Variants in RAB40C observed in about 807,000 individuals in gnomAD.
RAB40C encodes the protein RAB40C, member RAS oncogene family, also known as ras-related protein Rab-40C.
RAB40C carries 8 observed loss-of-function variants against 28.1 expected under a neutral mutation model. That is an observed-to-expected ratio of 0.28 (90% CI 0.17 to 0.51). The LOEUF is 0.51. Among genes scored for constraint, RAB40C ranks in the 20% least tolerant of loss-of-function variants. The pLI is 0.97. For missense variants in RAB40C, 288 were observed against 405.9 expected (o/e 0.71, Z 2.50); for synonymous variants, 201 against 171.7 (o/e 1.17, Z -1.34).
intron 1 of RAB40C, among the ~76,000 whole-genome samples, chr16:599,315 C>T (rs2151062658): frequency 6.6e-6 from 1 of 152,366 alleles, no homozygotes; most frequent in East Asian, 1.9e-4. Context: ...AGGCTGATGC[C>T]TGCCCGTGTC....
Position 608,741 on chromosome 16 carries a change from C to T in RAB40C, c.143-8467C>T, listed in dbSNP as rs1003681866. Among the ~76,000 whole-genome samples, 3 of 152,122 alleles carry T rather than the reference C, an allele frequency of 2.0e-5. No homozygotes were observed. In the South Asian group the frequency reaches 6.2e-4, roughly 32 times the overall value. ...AAAAAAAATTAGCTGGGCATGGTGG[C>T]GGGCACCTGTAGTCCCCACTCCTTG... On this transcript the variant is annotated intron_variant, in intron 1 of 5. Coordinates refer to ENST00000248139, the MANE Select transcript of RAB40C (RefSeq NM_021168.5).
intron 3 of RAB40C, among the ~76,000 whole-genome samples, chr16:620,687 GC>G (rs1251555635): frequency 3.2e-4 from 20 of 62,962 alleles, no homozygotes; most frequent in African/African-American, 1.1e-3. Context: ...GGGCATCCCA[GC>G]CCCCCCCGAT....
In RAB40C at chr16:627,515, G is replaced by T; in HGVS notation, c.739G>T (p.Ala247Ser). The T allele has an allele frequency of 6.2e-7, 1 of 1,613,760 alleles. No homozygotes were observed. The change falls in exon 6 of 6, where the codon GCC (alanine) becomes TCC (serine). Residue 247 changes from alanine to serine, a missense_variant. By Grantham distance (99) the Ala-to-Ser change is moderately conservative (BLOSUM62 1). This residue lies in a region of RAB40C where 57 missense variants were observed against 55.3 expected (regional missense o/e 1.03). Transcript: ENST00000248139. ...HGRSYSLASG[A>S]GGGGSKGNSL... ...CCGTTCCTACTCCCTGGCCAGCGGGGCCGGGGGCGGCGGCAGCAAGGGCAA... is the reference window on the plus strand; with the variant it reads ...CCGTTCCTACTCCCTGGCCAGCGGGTCCGGGGGCGGCGGCAGCAAGGGCAA...
chr16:592,437 AAGGGCC>A (rs1272864964), intron 1 of RAB40C, among the ~76,000 whole-genome samples: 1 of 152,102 alleles, frequency 6.6e-6, no homozygotes, highest in Non-Finnish European at 1.5e-5. Context: ...AGGGGTTGGA[AAGGGCC>A]AGGGAGGAAG....
intron 2 of RAB40C, 77 bp from the exon 3 acceptor site, chr16:618,123 G>T (rs1191910275): frequency 1.4e-6 from 2 of 1,414,080 alleles, no homozygotes; most frequent in East Asian, 2.3e-5. Flanking sequence ...CATCCAGGTG[G>T]GTCGGCAGAG....
At position 590,330 on chromosome 16, in the gene RAB40C, C is replaced by T. The variant is rs148812297; in HGVS notation, c.39C>T (p.Tyr13=). 1.9e-4 allele frequency: 310 copies of T among 1,592,526 alleles called. 2 individuals carry two copies. The highest frequency in any genetic ancestry group is 1.8e-3 in the Middle Eastern group (9 of 5,068). The part of the protein sequence containing the change: ...SQGSPVKSYD[Y]LLKFLLVGDS... The stretch of plus-strand genomic sequence containing the variant: ...GCAGTCCGGTGAAGAGCTACGACTA[C>T]CTGCTCAAGTTCCTGCTGGTGGGCG... The change falls in exon 1 of 6, where the codon TAC becomes TAT. Residue 13 remains tyrosine (Y), a synonymous_variant. Coordinates refer to ENST00000248139, the MANE Select transcript of RAB40C (RefSeq NM_021168.5).
chr16:604,503 G>A (rs573236935), intron 1 of RAB40C, among the ~76,000 whole-genome samples: 1 of 151,140 alleles, frequency 6.6e-6, no homozygotes, highest in South Asian at 2.1e-4. Context: ...TTCTGAGGGT[G>A]TTTCTCTAGA....
rs1432927891 is a variant in RAB40C at position 590,147 on chromosome 16, C to T, written c.-145C>T. 3 of 384,514 alleles carry T rather than the reference C, an allele frequency of 7.8e-6. No individual in the cohort carries two copies. Among genetic ancestry groups the T allele is most frequent in the Middle Eastern group, 1.3e-3 (1 of 786 alleles). The allele number at this position is 384,514 out of a possible 1,614,324, so 23.8% of individuals were successfully genotyped here. A position where few individuals can be genotyped will look rare whatever the true frequency, so the allele number is the denominator to read the frequency against. On this transcript the variant is annotated 5_prime_UTR_variant, in exon 1 of 6. Coordinates refer to ENST00000248139, the MANE Select transcript of RAB40C (RefSeq NM_021168.5). Reference sequence around the variant, plus strand: ...GCGCCCGGGCGCGGGCGGGGCGGGGCCGGCGCTGGGCTTCGGGCGCGCCCA... The same window carrying T: ...GCGCCCGGGCGCGGGCGGGGCGGGGTCGGCGCTGGGCTTCGGGCGCGCCCA...
chr16:591,431 T>C (rs1043115784), intron 1 of RAB40C, among the ~76,000 whole-genome samples: 1 of 152,168 alleles, frequency 6.6e-6, no homozygotes, highest in African/African-American at 2.4e-5. Flanking sequence ...GGGCTGCTCT[T>C]GGGACCCTGT....
rs866298551 is a variant in RAB40C at position 613,929 on chromosome 16, G to T, written c.143-3279G>T. Among the ~76,000 whole-genome samples the T allele has an allele frequency of 1.5e-4, 23 of 152,282 alleles. No homozygotes were observed. In the Middle Eastern group the frequency reaches 0.01, roughly 68 times the overall value. ...TGAAGGGCACCACTGGGGCAGTGAC[G>T]CAGCTTCACACGCAGCTCGGGAAGC... On this transcript the variant is annotated intron_variant, in intron 1 of 5. Transcript: ENST00000248139.
Position 626,008 on chromosome 16 carries a change from C to T in RAB40C, c.452C>T (p.Thr151Ile), listed in dbSNP as rs1193159585. The T allele has an allele frequency of 6.2e-7, 1 of 1,613,368 alleles. No homozygotes were observed. The highest frequency in any genetic ancestry group is 8.5e-7 in the Non-Finnish European group (1 of 1,179,986). ...GCGTACGCAGAGAAGAACTGCATGA[C>T]CTTCTTTGAGGTCAGCCCCCTGTGC... ...ARAYAEKNCMTFFEVSPLCNF... is the reference protein window; with the variant it reads ...ARAYAEKNCMIFFEVSPLCNF... Residue 151 changes from threonine (T) to isoleucine (I), a missense_variant, in exon 5 of 6, where the codon ACC becomes ATC. Thr to Ile is a moderately conservative substitution (Grantham distance 89). Around this residue, in one of 3 missense-constraint regions of RAB40C, gnomAD observed 153 missense variants for 262.4 expected, o/e 0.58. Transcript: ENST00000248139.
intron 1 of RAB40C, among the ~76,000 whole-genome samples, chr16:595,486 TCTC>T (rs1271041657): frequency 2.0e-5 from 3 of 151,972 alleles, no homozygotes; most frequent in South Asian, 2.1e-4. Context: ...CACACTAAGT[TCTC>T]CTGAGACCCA....
intron 1 of RAB40C, among the ~76,000 whole-genome samples, chr16:613,532 T>A (rs978219775): frequency 6.6e-6 from 1 of 152,256 alleles, no homozygotes; most frequent in Non-Finnish European, 1.5e-5. Flanking sequence ...TGCCCTTTTC[T>A]GCGAGGCTGG....
Position 628,990 on chromosome 16 carries a change from TGAAC to T in RAB40C, c.*1369_*1372del, listed in dbSNP as rs923073190. ...TGGGAGATGAGGGCCGTGGCCTGCA[TGAAC>T]TACCAGATGAGTAAGGGAACCCCAG... On this transcript the variant is annotated 3_prime_UTR_variant, in exon 6 of 6. Transcript: ENST00000248139. 5 of 154,798 alleles carry T rather than the reference TGAAC, an allele frequency of 3.2e-5. No individual in the cohort carries two copies. The highest frequency in any genetic ancestry group is 9.6e-5 in the African/African-American group (4 of 41,496). The allele number at this position is 154,798 out of a possible 1,614,324, so 9.6% of individuals were successfully genotyped here.
At chr16:620,832 C>A (rs2036700650) in intron 3 of RAB40C, among the ~76,000 whole-genome samples, 1 of 150,118 alleles carries the variant, frequency 6.7e-6, no homozygotes. Flanking sequence ...CCCAGCCACC[C>A]CCCCCGACGG....
rs534313199 is a variant in RAB40C, at chr16:613,762, C to G, written c.143-3446C>G. Among the ~76,000 whole-genome samples, 15 of 152,108 alleles carry G rather than the reference C, an allele frequency of 9.9e-5. 1 individual carries two copies. In the Middle Eastern group the frequency reaches 0.02, roughly 207 times the overall value. ...TCCTTATGTGGGTCTTAGTGGGAGT[C>G]GTGGGCAACACCCAGGTCTAGACCC... On this transcript the variant is annotated intron_variant, in intron 1 of 5. Transcript: ENST00000248139.
At chr16:616,312 C>G (rs2036582971) in intron 1 of RAB40C, among the ~76,000 whole-genome samples, 1 of 147,794 alleles carries the variant, frequency 6.8e-6, no homozygotes, top group Non-Finnish European at 1.5e-5. Flanking sequence ...TGAGGTCAGT[C>G]CAGAGTCCGG....
intron 1 of RAB40C, among the ~76,000 whole-genome samples, chr16:593,412 C>T (rs901331858): frequency 6.6e-6 from 1 of 152,256 alleles, no homozygotes; most frequent in Non-Finnish European, 1.5e-5. Flanking sequence ...GCTTTCTCTC[C>T]TTTGTTGGGA....
chr16:623,801 T>G (rs1005057646), intron 3 of RAB40C: 3 of 258,354 alleles, frequency 1.2e-5, no homozygotes, highest in Non-Finnish European at 1.8e-5. Flanking sequence ...TTAAAAAAAC[T>G]TAGCCAGATG....
Sources: allele counts gnomAD v4.1 joint callset (sites outside exome capture counted in the v4.1 genomes callset), GRCh38; gene constraint gnomAD v4.1.1; regional missense constraint gnomAD v4.1.1; transcripts MANE v1.5; gene names NCBI Gene and HGNC (gene_info 2026-07-23, HGNC 2026-07-21).